The following FOXP2 variants were observed in gnomAD, a reference collection of about 807,000 sequenced individuals.
FOXP2 encodes forkhead box protein P2.
In FOXP2, 12 loss-of-function variants were observed where a neutral mutation model predicts 115.8. The ratio of observed to expected loss-of-function variants is 0.10; its 90% CI spans 0.07 to 0.17. The LOEUF is 0.17. Among genes scored for constraint, FOXP2 ranks in the 10% least tolerant of loss-of-function variants. The probability of loss-of-function intolerance (pLI) is 1.00; values close to 1 mark genes in which losing one functional copy is unlikely to be tolerated. For synonymous variants in FOXP2, 328 were observed against 297.7 expected (o/e 1.10, Z -1.05); for missense variants, 629 against 843.5 (o/e 0.75, Z 3.15).
chr7:114,244,693 C>T (rs889199096), intron 1 of FOXP2, among the ~76,000 whole-genome samples: 1 of 151,990 alleles, frequency 6.6e-6, no homozygotes, highest in Admixed American at 6.6e-5. Flanking sequence ...TACTGATATA[C>T]TAATACTGGC....
intron 1 of FOXP2, among the ~76,000 whole-genome samples, chr7:114,123,702 C>G (rs769039749): frequency 6.6e-6 from 1 of 152,034 alleles, no homozygotes; most frequent in Non-Finnish European, 1.5e-5. Flanking sequence ...TTTGTCACTT[C>G]TTTCAGATTT....
chr7:114,687,241 A>G (rs1461123639), intron 16 of FOXP2, among the ~76,000 whole-genome samples: 3 of 152,176 alleles, frequency 2.0e-5, no homozygotes, highest in Non-Finnish European at 4.4e-5. Context: ...GAGCATAGCT[A>G]ATATGGTTTG....
At chr7:114,132,155 A>G (rs1791895298) in intron 1 of FOXP2, among the ~76,000 whole-genome samples, 1 of 152,228 alleles carries the variant, frequency 6.6e-6, no homozygotes, top group Admixed American at 6.5e-5. Flanking sequence ...AATAAAGTTT[A>G]CATTTTAATA....
intron 2 of FOXP2, among the ~76,000 whole-genome samples, chr7:114,314,206 G>T (rs1437172863): frequency 6.6e-6 from 1 of 150,446 alleles, no homozygotes; most frequent in African/African-American, 2.4e-5. Flanking sequence ...CATAAGTAAT[G>T]AAACAGCATT....
At chr7:114,565,773 A>G (rs1048358170) in intron 3 of FOXP2, among the ~76,000 whole-genome samples, 9 of 152,156 alleles carry the variant, frequency 5.9e-5, no homozygotes, top group South Asian at 2.1e-4. Context: ...AAGGCTAACT[A>G]TATCAGAATA....
At chr7:114,264,613 A>G (rs1306320887) in intron 1 of FOXP2, among the ~76,000 whole-genome samples, 1 of 152,202 alleles carries the variant, frequency 6.6e-6, no homozygotes, top group Non-Finnish European at 1.5e-5. Context: ...TGATATTTGT[A>G]GTATTAACCT....
intron 1 of FOXP2, among the ~76,000 whole-genome samples, chr7:114,096,994 T>C (rs1029839761): frequency 1.3e-5 from 2 of 148,958 alleles, no homozygotes; most frequent in Non-Finnish European, 2.9e-5. Flanking sequence ...TTTAAAATAA[T>C]ACTTTGATTA....
At chr7:114,447,445 T>C (rs970808617) in intron 2 of FOXP2, among the ~76,000 whole-genome samples, 2 of 152,118 alleles carry the variant, frequency 1.3e-5, no homozygotes, top group Non-Finnish European at 2.9e-5. Context: ...ACTCCTAAGC[T>C]ACCTCTCCTG....
At chr7:114,177,058 C>T (rs1041123266) in intron 1 of FOXP2, among the ~76,000 whole-genome samples, 1 of 152,122 alleles carries the variant, frequency 6.6e-6, no homozygotes, top group African/African-American at 2.4e-5. Context: ...TCCATAATCA[C>T]ATGAATATGC....
Position 114,432,945 on chromosome 7 carries a change from G to T in FOXP2, c.168+6266G>T, listed in dbSNP as rs1794180692. Among the ~76,000 whole-genome samples, 3 of 151,958 alleles carry T rather than the reference G, an allele frequency of 2.0e-5. No homozygotes were observed. The South Asian group carries it at 6.2e-4, about 32-fold the overall frequency. On this transcript the variant is annotated intron_variant, in intron 2 of 16. Transcript: ENST00000350908. ...CATCTGTGTTAAGATATATTACATGGTTTCATGGAATTTACAGTTCACTCC... is the reference window on the plus strand; with the variant it reads ...CATCTGTGTTAAGATATATTACATGTTTTCATGGAATTTACAGTTCACTCC...
chr7:114,552,306 G>A (rs780972645), intron 3 of FOXP2, among the ~76,000 whole-genome samples: 3 of 152,110 alleles, frequency 2.0e-5, no homozygotes, highest in Non-Finnish European at 4.4e-5. Flanking sequence ...AGAGGCACTG[G>A]GTTCAAGGTT....
chr7:114,135,540 A>G (rs1792016430), intron 1 of FOXP2, among the ~76,000 whole-genome samples: 1 of 152,112 alleles, frequency 6.6e-6, no homozygotes, highest in African/African-American at 2.4e-5. Context: ...AAGAGATAAA[A>G]ATAAATTTTA....
intron 2 of FOXP2, among the ~76,000 whole-genome samples, chr7:114,515,940 C>A (rs1371307946): frequency 6.6e-6 from 1 of 152,118 alleles, no homozygotes; most frequent in South Asian, 2.1e-4. Flanking sequence ...ACATTCCATG[C>A]TCATGGGTAG....
chr7:114,145,692 A>G (rs1197423560), intron 1 of FOXP2, among the ~76,000 whole-genome samples: 2 of 152,042 alleles, frequency 1.3e-5, no homozygotes, highest in Non-Finnish European at 2.9e-5. Context: ...TAAAATGCTT[A>G]ATTTCTAAAA....
intron 3 of FOXP2, among the ~76,000 whole-genome samples, chr7:114,606,859 C>A (rs1563029723): frequency 6.6e-6 from 1 of 152,134 alleles, no homozygotes; most frequent in Non-Finnish European, 1.5e-5. Context: ...CTAAGCCTTT[C>A]CTGTGCATTA....
chr7:114,403,792 C>A (rs931582336), intron 2 of FOXP2, among the ~76,000 whole-genome samples: 1 of 151,994 alleles, frequency 6.6e-6, no homozygotes, highest in Non-Finnish European at 1.5e-5. Context: ...TATTGGGGAA[C>A]CCTCTCTAAA....
At chr7:114,410,775 G>A (rs1332790021), upstream of FOXP2, among the ~76,000 whole-genome samples, 1 of 151,730 alleles carries the variant, frequency 6.6e-6, no homozygotes, top group Non-Finnish European at 1.5e-5. Flanking sequence ...GGTAGTTTCC[G>A]AACTTGCATC....
At chr7:114,139,389 A>G (rs1401775924) in intron 1 of FOXP2, among the ~76,000 whole-genome samples, 6 of 152,116 alleles carry the variant, frequency 3.9e-5, no homozygotes, top group South Asian at 2.1e-4. Context: ...GCCCAGATCT[A>G]TAGGGTATAA....
intron 1 of FOXP2, among the ~76,000 whole-genome samples, chr7:114,191,113 T>TC (rs987032650): frequency 1.3e-5 from 2 of 152,202 alleles, no homozygotes; most frequent in African/African-American, 2.4e-5. Context: ...CATTCTAACT[T>TC]CCGACATTTT....
Sources: allele counts gnomAD v4.1 joint callset (sites outside exome capture counted in the v4.1 genomes callset), GRCh38; gene constraint gnomAD v4.1.1; transcripts MANE v1.5; gene names NCBI Gene and HGNC (gene_info 2026-07-23, HGNC 2026-07-21).